Variants in SPATA13 observed in about 807,000 individuals in gnomAD.
SPATA13 encodes the protein spermatogenesis associated 13.
Under a neutral mutation model 104.0 loss-of-function variants are expected in SPATA13, and 50 were observed. The observed-to-expected ratio is 0.48, with a 90% CI of 0.38 to 0.61. The LOEUF is 0.61. Among genes scored for constraint, SPATA13 ranks in the 20% least tolerant of loss-of-function variants. The pLI is 0.00. For missense variants in SPATA13, 1,524 were observed against 1,690.6 expected (o/e 0.90, Z 1.73); for synonymous variants, 606 against 667.5 (o/e 0.91, Z 1.42).
chr13:24,108,573 A>G (rs575936183), intron 3 of SPATA13, among the ~76,000 whole-genome samples: 1 of 152,076 alleles, frequency 6.6e-6, no homozygotes, highest in African/African-American at 2.4e-5. Flanking sequence ...TGCAGCCAGG[A>G]TTCTCCTGAG....
intron 2 of SPATA13, 169 bp downstream of exon 2, chr13:24,224,751 T>C: frequency 1.4e-6 from 1 of 714,158 alleles, no homozygotes; most frequent in Non-Finnish European, 2.5e-6. Flanking sequence ...GTTTACCAAG[T>C]TCAGAAGTAA....
intron 2 of SPATA13, among the ~76,000 whole-genome samples, chr13:24,245,820 C>T (rs988134958): frequency 2.6e-5 from 4 of 152,086 alleles, no homozygotes; most frequent in Non-Finnish European, 2.9e-5. Flanking sequence ...AATTCCTGGG[C>T]TCAAGCAATC....
chr13:24,290,304 G>A (rs1480866387), intron 8 of SPATA13, among the ~76,000 whole-genome samples: 1 of 152,182 alleles, frequency 6.6e-6, no homozygotes, highest in Non-Finnish European at 1.5e-5. Flanking sequence ...GGTTTTCAGC[G>A]AGTTGAAAAA....
intron 3 of SPATA13, among the ~76,000 whole-genome samples, chr13:24,145,807 C>T (rs1292198764): frequency 6.6e-6 from 1 of 152,204 alleles, no homozygotes; most frequent in African/African-American, 2.4e-5. Flanking sequence ...ACAGGAAAAA[C>T]ATCCTTGTGG....
chr13:23,988,323 G>T (rs1875249101), intron 2 of SPATA13, among the ~76,000 whole-genome samples: 1 of 152,214 alleles, frequency 6.6e-6, no homozygotes, highest in African/African-American at 2.4e-5. Context: ...TTCACCTGCT[G>T]ATGGAAATTT....
intron 1 of SPATA13, among the ~76,000 whole-genome samples, chr13:24,211,722 G>A (rs1593422942): frequency 2.0e-5 from 3 of 152,064 alleles, no homozygotes; most frequent in East Asian, 1.9e-4. Context: ...TATCTCATCC[G>A]GTGGCACTGA....
In SPATA13 at chr13:24,294,810, G is replaced by A. The variant is rs147201038; in HGVS notation, c.3152G>A (p.Arg1051His). The A allele has an allele frequency of 2.6e-5, 42 of 1,611,478 alleles. No homozygotes were observed. The highest frequency in any genetic ancestry group is 2.2e-5 in the East Asian group (1 of 44,814). ...GCCTGTCTGATCAACGAGCGCAAGC[G>A]CAAGCTGGAGAGCATCGACAAGATA... Reference protein sequence around the residue: ...NVACLINERKRKLESIDKIAR... With the variant: ...NVACLINERKHKLESIDKIAR... The change falls in exon 10 of 13, where the codon CGC becomes CAC. Residue 1051 changes from arginine to histidine, a missense_variant. Coordinates refer to ENST00000382108, the MANE Select transcript of SPATA13 (RefSeq NM_001166271.3).
intron 3 of SPATA13, among the ~76,000 whole-genome samples, chr13:24,250,978 A>C (rs1239551705): frequency 2.0e-5 from 3 of 152,232 alleles, no homozygotes; most frequent in African/African-American, 7.2e-5. Flanking sequence ...TTGTAAGAAA[A>C]CCTAAGGAAT....
At position 24,190,283 on chromosome 13, in the gene SPATA13, A is replaced by G. The variant is rs1566141602; in HGVS notation, c.-112+29351A>G. Among the ~76,000 whole-genome samples the G allele has an allele frequency of 2.3e-3, 28 of 12,022 alleles. 5 individuals are homozygous for G. Among genetic ancestry groups the G allele is most frequent in the African/African-American group, 2.6e-3 (28 of 10,760 alleles). 7.9% of individuals were successfully genotyped at this position (12,022 alleles called of 152,430 possible). ...TACATAATATATATTATTATATATA[A>G]TATATAATATTATATATTATTATAT... On this transcript the variant is annotated intron_variant, in intron 1 of 12. Transcript: ENST00000382108.
intron 1 of SPATA13, among the ~76,000 whole-genome samples, chr13:24,222,095 G>A (rs1871618759): frequency 1.3e-5 from 2 of 152,192 alleles, no homozygotes; most frequent in African/African-American, 4.8e-5. Flanking sequence ...TTACAGGCGT[G>A]AGCCACTGCA....
chr13:24,008,046 G>A (rs1876309911), intron 2 of SPATA13, among the ~76,000 whole-genome samples: 2 of 152,332 alleles, frequency 1.3e-5, no homozygotes, highest in Non-Finnish European at 1.5e-5. Flanking sequence ...ATTCCTGTCT[G>A]CAGCAGCCCC....
chr13:24,196,247 G>A (rs1870049572), intron 1 of SPATA13, among the ~76,000 whole-genome samples: 1 of 152,172 alleles, frequency 6.6e-6, no homozygotes, highest in South Asian at 2.1e-4. Context: ...TGGTGGGAAG[G>A]AAGGTGTGTT....
chr13:23,991,651 C>A (rs1219620701), intron 2 of SPATA13, among the ~76,000 whole-genome samples: 2 of 152,158 alleles, frequency 1.3e-5, no homozygotes, highest in Non-Finnish European at 2.9e-5. Flanking sequence ...CAGCACCGTG[C>A]ATATTGTGCA....
At position 24,223,340 on chromosome 13, in the gene SPATA13, A is replaced by G; in HGVS notation, c.411A>G (p.Gly137=). The part of the protein sequence containing the change: ...SREGSNACSK[G]EASEHGLGKS... ...AGGGGTCAAATGCCTGTTCAAAGGG[A>G]GAGGCTTCGGAGCATGGCCTGGGAA... Residue 137 remains glycine (G), a synonymous_variant, in exon 2 of 13, where the codon GGA becomes GGG. Transcript: ENST00000382108. The G allele has an allele frequency of 6.4e-7, 1 of 1,551,454 alleles. No individual in the cohort carries two copies. Among genetic ancestry groups the G allele is most frequent in the African/African-American group, 1.4e-5 (1 of 73,194 alleles).
upstream of SPATA13, among the ~76,000 whole-genome samples, chr13:24,157,490 C>CG (rs531250358): frequency 1.8e-4 from 28 of 152,104 alleles, no homozygotes; most frequent in South Asian, 6.2e-4. Context: ...TTAGTAGAGA[C>CG]GGGGTTTCAC....
chr13:24,255,399 T>C (rs1593466806), intron 4 of SPATA13, among the ~76,000 whole-genome samples: 1 of 152,152 alleles, frequency 6.6e-6, no homozygotes. Flanking sequence ...GAGTTCCTCC[T>C]ACACAATGTT....
At chr13:24,251,921 G>T in intron 4 of SPATA13, 59 bp downstream of exon 4, 1 of 1,554,682 alleles carries the variant, frequency 6.4e-7, no homozygotes, top group Non-Finnish European at 8.7e-7. Flanking sequence ...ACCGTTTCCA[G>T]CTAACCTGAG....
intron 3 of SPATA13, among the ~76,000 whole-genome samples, chr13:24,073,556 C>T (rs574008979): frequency 8.5e-5 from 13 of 152,280 alleles, no homozygotes; most frequent in South Asian, 4.1e-4. Flanking sequence ...ACATTGGTGC[C>T]GGTGGCCATA....
intron 3 of SPATA13, among the ~76,000 whole-genome samples, chr13:24,096,821 C>A (rs929942439): frequency 1.3e-5 from 2 of 152,122 alleles, no homozygotes; most frequent in African/African-American, 4.8e-5. Flanking sequence ...AGGTGCAGAG[C>A]CGGAAGAATC....
Sources: gnomAD v4.1 joint callset for allele counts (sites outside exome capture counted in the v4.1 genomes callset) on GRCh38, gnomAD v4.1.1 for gene constraint, MANE v1.5 for transcripts, NCBI Gene and HGNC (gene_info 2026-07-23, HGNC 2026-07-21) for gene names.